SETBP1: variants seen among roughly 807,000 people sequenced by gnomAD.
The protein encoded by SETBP1 is SET binding protein 1.
In SETBP1, 9 loss-of-function variants were observed where a neutral mutation model predicts 101.0. The ratio of observed to expected loss-of-function variants is 0.09; its 90% CI spans 0.05 to 0.16. The LOEUF (loss-of-function observed/expected upper bound fraction) is 0.16. Ranked by LOEUF, SETBP1 falls within the 10% of genes least tolerant of loss-of-function variation. The pLI is 1.00. For missense variants in SETBP1, 1,858 were observed against 2,033.8 expected, an observed-to-expected ratio of 0.91 and a Z score of 1.66; for synonymous variants, 818 against 788.5, an observed-to-expected ratio of 1.04 and a Z score of -0.63.
chr18:45,022,128 C>A (rs755614017), intron 4 of SETBP1, among the ~76,000 whole-genome samples: 1 of 152,134 alleles, frequency 6.6e-6, no homozygotes, highest in Non-Finnish European at 1.5e-5. Context: ...AGAGAACAAA[C>A]CACCTCTTTT....
chr18:44,958,661 A>G (rs547328592), intron 4 of SETBP1, among the ~76,000 whole-genome samples: 3 of 152,106 alleles, frequency 2.0e-5, no homozygotes, highest in Non-Finnish European at 4.4e-5. Flanking sequence ...AGGGAAAGGG[A>G]GAGAGAGAGT....
At chr18:44,935,114 T>C (rs1256773508) in intron 3 of SETBP1, among the ~76,000 whole-genome samples, 1 of 152,190 alleles carries the variant, frequency 6.6e-6, no homozygotes, top group Non-Finnish European at 1.5e-5. Flanking sequence ...TCATCCTGGC[T>C]CTGCCCACCA....
At chr18:44,805,667 C>T (rs1449156766) in intron 2 of SETBP1, among the ~76,000 whole-genome samples, 2 of 151,996 alleles carry the variant, frequency 1.3e-5, no homozygotes, top group Non-Finnish European at 2.9e-5. Flanking sequence ...TTTGCTTTTT[C>T]TTCTGATCTA....
intron 3 of SETBP1, among the ~76,000 whole-genome samples, chr18:44,923,579 T>C (rs1004405569): frequency 2.6e-5 from 4 of 152,232 alleles, no homozygotes; most frequent in African/African-American, 9.6e-5. Context: ...TATGCATTTA[T>C]GAGCCAGCTG....
chr18:44,742,028 G>A (rs1281686062), intron 2 of SETBP1, among the ~76,000 whole-genome samples: 1 of 152,168 alleles, frequency 6.6e-6, no homozygotes, highest in African/African-American at 2.4e-5. Flanking sequence ...CCCTGTCTGG[G>A]CAGTGCACAT....
chr18:44,778,894 C>T (rs371383370), intron 2 of SETBP1, among the ~76,000 whole-genome samples: 4 of 151,402 alleles, frequency 2.6e-5, no homozygotes, highest in East Asian at 2.0e-4. Flanking sequence ...TTTAATCCTG[C>T]GCAGTGTGGG....
chr18:44,745,194 AAATGCTT>A (rs1481475491), intron 2 of SETBP1, among the ~76,000 whole-genome samples: 2 of 152,222 alleles, frequency 1.3e-5, no homozygotes, highest in East Asian at 3.9e-4. Context: ...CCCTTTCTTT[AAATGCTT>A]AAGGTAGATT....
chr18:45,036,449 G>T (rs915318567), intron 4 of SETBP1, among the ~76,000 whole-genome samples: 2 of 152,004 alleles, frequency 1.3e-5, no homozygotes, highest in African/African-American at 2.4e-5. Context: ...CTTTACAAAT[G>T]ATTTTGAATG....
chr18:44,941,326 G>A (rs539677502), intron 3 of SETBP1, among the ~76,000 whole-genome samples: 2 of 152,136 alleles, frequency 1.3e-5, no homozygotes, highest in African/African-American at 4.8e-5. Flanking sequence ...ACCACCTCAA[G>A]TGATCCATCC....
rs986895008 is a variant in SETBP1, at chr18:44,922,444, A to T, written c.541-27437A>T. 3.9e-5 allele frequency among the ~76,000 whole-genome samples: 6 copies of T among 152,298 alleles called. 1 individual carries two copies. The highest frequency in any genetic ancestry group is 3.9e-4 in the Admixed American group (6 of 15,304). ...CATGAACTTCACTGAGGTTCTAGGA[A>T]GGGAGATGTGTTCTGCTGCATCCGT... On this transcript the variant is annotated intron_variant, in intron 3 of 5. Transcript: ENST00000649279.
chr18:44,800,955 A>G (rs7228977), intron 2 of SETBP1, among the ~76,000 whole-genome samples: 2,231 of 152,304 alleles, frequency 0.015, 49 homozygotes, highest in African/African-American at 0.051. Flanking sequence ...GCAGCCATAA[A>G]AAAGGATGAG....
intron 2 of SETBP1, among the ~76,000 whole-genome samples, chr18:44,851,064 G>T (rs1015398507): frequency 6.6e-6 from 1 of 152,162 alleles, no homozygotes; most frequent in Non-Finnish European, 1.5e-5. Context: ...TGTAACAGCT[G>T]TCCTCTGGAC....
intron 4 of SETBP1, among the ~76,000 whole-genome samples, chr18:45,024,587 C>T (rs958726783): frequency 3.9e-5 from 6 of 152,172 alleles, no homozygotes; most frequent in South Asian, 2.1e-4. Context: ...CCTTCTCAGA[C>T]ACAGTTACTA....
intron 4 of SETBP1, among the ~76,000 whole-genome samples, chr18:45,027,368 G>C (rs1317914178): frequency 6.6e-6 from 1 of 152,122 alleles, no homozygotes; most frequent in East Asian, 1.9e-4. Flanking sequence ...TCCAAGTCTT[G>C]TCCAAGTTCA....
rs528617075 is a variant in SETBP1, at chr18:44,940,959, A to C, written c.541-8922A>C. Among the ~76,000 whole-genome samples, 4 of 150,368 alleles carry C rather than the reference A, an allele frequency of 2.7e-5. No individual in the cohort carries two copies. In the East Asian group the frequency reaches 7.8e-4, roughly 29 times the overall value. On this transcript the variant is annotated intron_variant, in intron 3 of 5. Transcript: ENST00000649279. ...ATCTGAATATCTTTATTTTGTCATC[A>C]TTTTTAAAGAATATTTTCGCTGGAT... is the stretch of plus-strand genomic sequence containing the variant.
At chr18:44,937,739 A>G (rs898695334) in intron 3 of SETBP1, among the ~76,000 whole-genome samples, 4 of 152,124 alleles carry the variant, frequency 2.6e-5, no homozygotes, top group African/African-American at 9.7e-5. Context: ...TTGCAGCCCC[A>G]TCTCAGACTT....
intron 2 of SETBP1, among the ~76,000 whole-genome samples, chr18:44,838,874 C>G (rs1366004289): frequency 6.6e-6 from 1 of 152,134 alleles, no homozygotes; most frequent in Non-Finnish European, 1.5e-5. Context: ...ATGCCTGGAG[C>G]TGACAGTTGT....
chr18:44,691,364 C>T (rs148543430), intron 1 of SETBP1, among the ~76,000 whole-genome samples: 20 of 151,982 alleles, frequency 1.3e-4, no homozygotes, highest in African/African-American at 4.8e-4. Context: ...ACCCCCCGCC[C>T]CCCAACCCTT....
At chr18:45,009,875 C>T (rs1191728922) in intron 4 of SETBP1, among the ~76,000 whole-genome samples, 2 of 152,104 alleles carry the variant, frequency 1.3e-5, no homozygotes, top group African/African-American at 2.4e-5. Context: ...GCTGCTCATG[C>T]CTCCTGCTAG....
Sources: allele counts gnomAD v4.1 joint callset (sites outside exome capture counted in the v4.1 genomes callset), GRCh38; gene constraint gnomAD v4.1.1; transcripts MANE v1.5; gene names NCBI Gene and HGNC (gene_info 2026-07-23, HGNC 2026-07-21).